Variants in CCDC192 observed in about 807,000 individuals in gnomAD.
CCDC192 encodes the protein coiled-coil domain containing 192, also known as coiled-coil domain-containing protein 192.
intron 2 of CCDC192, among the ~76,000 whole-genome samples, chr5:127,722,714 C>G (rs1295742747): frequency 1.3e-5 from 2 of 152,168 alleles, no homozygotes; most frequent in African/African-American, 4.8e-5. Context: ...ATTGAAGAGA[C>G]TGTCCCTTCT....
At chr5:127,914,323 G>C (rs1753457040) in intron 6 of CCDC192, among the ~76,000 whole-genome samples, 1 of 152,042 alleles carries the variant, frequency 6.6e-6, no homozygotes. Context: ...TGAAGCTTGG[G>C]GGCCAAATAT....
chr5:127,923,629 G>A (rs990915712), intron 6 of CCDC192, among the ~76,000 whole-genome samples: 1 of 152,072 alleles, frequency 6.6e-6, no homozygotes, highest in African/African-American at 2.4e-5. Context: ...TGCCCACCTC[G>A]GCCTTCCAAA....
intron 4 of CCDC192, 96 bp downstream of exon 4, chr5:127,797,330 C>T (rs937249424): frequency 1.1e-5 from 4 of 379,292 alleles, no homozygotes; most frequent in East Asian, 7.5e-5. Flanking sequence ...GATTAAAAGT[C>T]GTATTTTTAA....
At chr5:127,781,666 C>G (rs368637407) in intron 3 of CCDC192, among the ~76,000 whole-genome samples, 296 of 151,316 alleles carry the variant, frequency 2.0e-3, no homozygotes, top group African/African-American at 6.1e-3. Flanking sequence ...AGAAGAGCTA[C>G]TGATTTGTGT....
At chr5:127,746,952 A>G (rs1192973296) in intron 2 of CCDC192, among the ~76,000 whole-genome samples, 1 of 152,110 alleles carries the variant, frequency 6.6e-6, no homozygotes, top group Non-Finnish European at 1.5e-5. Context: ...TTACCACCAG[A>G]TGGCTCTATT....
intron 2 of CCDC192, among the ~76,000 whole-genome samples, chr5:127,752,693 C>T (rs567720919): frequency 0.017 from 2,651 of 152,060 alleles, 74 homozygotes; most frequent in African/African-American, 0.06. Flanking sequence ...TGGGCAATGG[C>T]GGGCGCCCCT....
chr5:127,829,794 G>A (rs950480929), intron 5 of CCDC192, among the ~76,000 whole-genome samples: 5 of 152,080 alleles, frequency 3.3e-5, no homozygotes, highest in Admixed American at 2.0e-4. Flanking sequence ...GCTCAAGGAC[G>A]TGGCAGTATC....
chr5:127,758,774 TA>T (rs1277302973), intron 3 of CCDC192, among the ~76,000 whole-genome samples: 1 of 152,148 alleles, frequency 6.6e-6, no homozygotes, highest in Non-Finnish European at 1.5e-5. Flanking sequence ...GAGAAGCCCA[TA>T]AAAAATAGTT....
At chr5:127,918,216 T>TAAA (rs1219307107) in intron 6 of CCDC192, among the ~76,000 whole-genome samples, 11 of 100,420 alleles carry the variant, frequency 1.1e-4, no homozygotes, top group African/African-American at 5.0e-4. Context: ...CTTCAATTTG[T>TAAA]AAAAAAAAAA....
At chr5:127,788,473 G>T (rs891929835) in intron 3 of CCDC192, among the ~76,000 whole-genome samples, 2 of 151,974 alleles carry the variant, frequency 1.3e-5, no homozygotes, top group Non-Finnish European at 2.9e-5. Flanking sequence ...AATTTATTCT[G>T]CTAGTTTCTG....
At chr5:127,714,159 A>G (rs1751490241) in intron 2 of CCDC192, among the ~76,000 whole-genome samples, 1 of 152,226 alleles carries the variant, frequency 6.6e-6, no homozygotes, top group African/African-American at 2.4e-5. Context: ...ATGTTACTGC[A>G]AATGGCACAA....
intron 5 of CCDC192, among the ~76,000 whole-genome samples, chr5:127,842,783 CAG>C (rs1189598624): frequency 6.6e-6 from 1 of 152,158 alleles, no homozygotes; most frequent in East Asian, 1.9e-4. Context: ...TCTTAGAACT[CAG>C]AGCTATGATG....
chr5:127,912,419 CAAAAAAAAAAA>C (rs60854127), intron 6 of CCDC192, among the ~76,000 whole-genome samples: 2 of 81,452 alleles, frequency 2.5e-5, no homozygotes, highest in Non-Finnish European at 4.5e-5. Context: ...CTGGGTTTAG[CAAAAAAAAAAA>C]AAAAAAAAAA....
intron 5 of CCDC192, among the ~76,000 whole-genome samples, chr5:127,814,317 A>G (rs1280226743): frequency 6.6e-6 from 1 of 152,246 alleles, no homozygotes; most frequent in African/African-American, 2.4e-5. Flanking sequence ...TGCATTAAGC[A>G]TTAAAAACAA....
intron 5 of CCDC192, among the ~76,000 whole-genome samples, chr5:127,823,127 G>A (rs1051619399): frequency 6.6e-6 from 1 of 152,208 alleles, no homozygotes; most frequent in Non-Finnish European, 1.5e-5. Flanking sequence ...CTCTCATGGG[G>A]TTTTATTGAT....
At chr5:127,884,342 C>CAAAAA (rs778430655) in intron 6 of CCDC192, among the ~76,000 whole-genome samples, 637 of 11,842 alleles carry the variant, frequency 0.054, 29 homozygotes, top group East Asian at 0.094. Context: ...GACTCCGTCT[C>CAAAAA]AAAAAAAAAA....
intron 6 of CCDC192, among the ~76,000 whole-genome samples, chr5:127,907,047 T>A (rs1040590457): frequency 7.9e-5 from 12 of 152,232 alleles, no homozygotes; most frequent in African/African-American, 2.4e-4. Context: ...GGTTGGGTTT[T>A]TTTTCACGAT....
intron 6 of CCDC192, among the ~76,000 whole-genome samples, chr5:127,927,420 C>G (rs540170570): frequency 6.6e-6 from 1 of 151,934 alleles, no homozygotes; most frequent in African/African-American, 2.4e-5. Context: ...CAGGCATCCA[C>G]GGGGGGTCTT....
At chr5:127,926,672 T>G (rs1322567895) in intron 6 of CCDC192, among the ~76,000 whole-genome samples, 3 of 152,202 alleles carry the variant, frequency 2.0e-5, no homozygotes, top group East Asian at 3.9e-4. Context: ...GTTGAGTTTT[T>G]GGCATATTAT....
Sources: allele counts gnomAD v4.1 joint callset (sites outside exome capture counted in the v4.1 genomes callset), GRCh38; gene constraint gnomAD v4.1.1; transcripts MANE v1.5; gene names NCBI Gene and HGNC (gene_info 2026-07-23, HGNC 2026-07-21).